Variants in SLC45A2 observed in about 807,000 individuals in gnomAD.
The protein encoded by SLC45A2 is solute carrier family 45 member 2, also known as membrane-associated transporter protein.
Under a neutral mutation model 45.5 loss-of-function variants are expected in SLC45A2, and 36 were observed. That is an observed-to-expected ratio of 0.79 (90% confidence interval 0.61 to 1.04). The LOEUF (loss-of-function observed/expected upper bound fraction) is 1.04, where lower values mean the gene tolerates loss of function less well. Ranked by LOEUF, SLC45A2 falls within the 50% of genes least tolerant of loss-of-function variation. SLC45A2 has a pLI of 0.00. For synonymous variants in SLC45A2, 306 were observed against 269.3 expected (o/e 1.14, Z -1.33); for missense variants, 719 against 671.0 (o/e 1.07, Z -0.79).
intron 2 of SLC45A2, among the ~76,000 whole-genome samples, chr5:33,970,106 TAGAC>T (rs960495521): frequency 6.6e-6 from 1 of 152,158 alleles, no homozygotes; most frequent in Non-Finnish European, 1.5e-5. Context: ...TCAGCTGAGT[TAGAC>T]AGCCCCTGTG....
chr5:33,945,925 A>G (rs1751909557), intron 6 of SLC45A2: 2 of 971,496 alleles, frequency 2.1e-6, no homozygotes, highest in East Asian at 1.1e-4. Context: ...AACTAGTAAG[A>G]GTGGTAACAC....
intron 3 of SLC45A2, among the ~76,000 whole-genome samples, chr5:33,958,790 T>C (rs549977957): frequency 1.1e-4 from 16 of 152,300 alleles, no homozygotes; most frequent in Admixed American, 8.5e-4. Context: ...TTTGTACTCG[T>C]GTGGGAGTTC....
chr5:33,949,287 T>G (rs1428209438), intron 5 of SLC45A2, among the ~76,000 whole-genome samples: 1 of 152,186 alleles, frequency 6.6e-6, no homozygotes, highest in East Asian at 1.9e-4. Context: ...TAGTGAGCTC[T>G]GGAAGGAAAG....
chr5:33,980,490 T>A (rs556878599), intron 2 of SLC45A2, among the ~76,000 whole-genome samples: 1 of 152,206 alleles, frequency 6.6e-6, no homozygotes, highest in Admixed American at 6.5e-5. Flanking sequence ...CACTTCCACA[T>A]GGCCATTGTC....
intron 3 of SLC45A2, among the ~76,000 whole-genome samples, chr5:33,961,699 A>G (rs1200318384): frequency 2.0e-5 from 3 of 152,184 alleles, no homozygotes; most frequent in Non-Finnish European, 4.4e-5. Context: ...CACCTACCAG[A>G]GAAAACACAG....
chr5:33,970,056 G>A (rs1037206503), intron 2 of SLC45A2, among the ~76,000 whole-genome samples: 2 of 152,130 alleles, frequency 1.3e-5, no homozygotes, highest in African/African-American at 2.4e-5. Flanking sequence ...GGAGCACAGG[G>A]CACAAATGCT....
At position 33,971,562 on chromosome 5, in the gene SLC45A2, C is replaced by T. The variant is rs143959828; in HGVS notation, c.563-7546G>A. On this transcript the variant is annotated intron_variant, in intron 2 of 6. Transcript: ENST00000296589. Reference sequence around the variant, plus strand: ...CAGGTGATCCTTCCACCTCAGCCTCCGGAGTGGCTCAGACCACAGGTGTGC... The same window carrying T: ...CAGGTGATCCTTCCACCTCAGCCTCTGGAGTGGCTCAGACCACAGGTGTGC... 4.2e-5 allele frequency: 10 copies of T among 237,768 alleles called. No homozygotes were observed. In the East Asian group the frequency reaches 4.7e-4, roughly 11 times the overall value. 14.7% of individuals were successfully genotyped at this position (237,768 alleles called of 1,614,324 possible).
chr5:33,976,184 G>A (rs760905780), intron 2 of SLC45A2, among the ~76,000 whole-genome samples: 30 of 152,152 alleles, frequency 2.0e-4, no homozygotes, highest in Non-Finnish European at 4.1e-4. Flanking sequence ...TATACCAAGT[G>A]CTGATAGGGA....
At chr5:33,980,326 T>C (rs757681366) in intron 2 of SLC45A2, among the ~76,000 whole-genome samples, 3 of 151,798 alleles carry the variant, frequency 2.0e-5, no homozygotes, top group Non-Finnish European at 4.4e-5. Flanking sequence ...AATACTGCCA[T>C]CATGGCCAGT....
intron 3 of SLC45A2, among the ~76,000 whole-genome samples, chr5:33,958,803 T>C (rs987707004): frequency 6.6e-6 from 1 of 152,190 alleles, no homozygotes; most frequent in African/African-American, 2.4e-5. Flanking sequence ...GGGAGTTCCA[T>C]GACTTTCAAA....
intron 4 of SLC45A2, among the ~76,000 whole-genome samples, chr5:33,953,064 G>A: frequency 8.2e-6 from 1 of 122,390 alleles, no homozygotes; most frequent in African/African-American, 3.1e-5. Context: ...TGGTGTATAT[G>A]TGCCACATTT....
chr5:33,965,654 C>T (rs1752584164), intron 2 of SLC45A2, among the ~76,000 whole-genome samples: 1 of 152,150 alleles, frequency 6.6e-6, no homozygotes, highest in Admixed American at 6.5e-5. Context: ...AAGAGAAGGT[C>T]CTGAAACAGC....
rs566413947 is a variant in SLC45A2, at chr5:33,960,096, T to C, written c.888+3595A>G. Among the ~76,000 whole-genome samples, 12 of 152,268 alleles carry C rather than the reference T, an allele frequency of 7.9e-5. No individual in the cohort carries two copies. In the South Asian group the frequency reaches 2.5e-3, roughly 32 times the overall value. ...ATCCTAGATTGGATCAGAAAAAGGA[T>C]ATTACCCAGGAATAGGATTGCTGGA... On this transcript the variant is annotated intron_variant, in intron 3 of 6. Transcript: ENST00000296589.
At chr5:33,971,893 C>A in intron 2 of SLC45A2, 1 of 342,202 alleles carries the variant, frequency 2.9e-6, no homozygotes, top group South Asian at 2.3e-5. Flanking sequence ...TCCCAAAGTA[C>A]TGGGATTACA....
In SLC45A2 at chr5:33,967,161, C is replaced by T. The variant is rs183948644; in HGVS notation, c.563-3145G>A. Among the ~76,000 whole-genome samples the T allele has an allele frequency of 2.0e-5, 3 of 152,326 alleles. No homozygotes were observed. In the East Asian group the frequency reaches 5.8e-4, roughly 29 times the overall value. ...ACTGAACTGGCTGAAGGCAGCCTGC[C>T]TGGAACTTGCTGAAAGGATTTAGTC... On this transcript the variant is annotated intron_variant, in intron 2 of 6. Coordinates refer to ENST00000296589, the MANE Select transcript of SLC45A2 (RefSeq NM_016180.5).
intron 2 of SLC45A2, chr5:33,972,025 A>G: frequency 2.1e-6 from 1 of 465,578 alleles, no homozygotes; most frequent in Non-Finnish European, 4.3e-6. Flanking sequence ...TACAGGTGTG[A>G]GCCACCACAC....
At chr5:33,972,279 T>A (rs1752806650) in intron 2 of SLC45A2, 2 of 472,520 alleles carry the variant, frequency 4.2e-6, no homozygotes, top group Non-Finnish European at 8.5e-6. Flanking sequence ...TTTGATACTC[T>A]GCGCAGAGTT....
In SLC45A2 at chr5:33,951,606, C is replaced by A; in HGVS notation, c.1104G>T (p.Glu368Asp). 6.2e-7 allele frequency: 1 copy of A among 1,614,174 alleles called. No individual in the cohort carries two copies. The highest frequency in any genetic ancestry group is 1.1e-5 in the South Asian group (1 of 91,082). The change falls in exon 5 of 7, where the codon GAG (glutamate) becomes GAT (aspartate). Residue 368 changes from glutamate (E) to aspartate (D), a missense_variant. Glu to Asp is a conservative substitution (Grantham distance 45). Coordinates refer to ENST00000296589, the MANE Select transcript of SLC45A2 (RefSeq NM_016180.5). Reference protein sequence around the residue: ...TEFLIYERGVEVGCWGLCINS... With the variant: ...TEFLIYERGVDVGCWGLCINS... ...TGATGCACAAGCCCCAACATCCAACCTCGACTCCTCTTTCGTAGATGAGAA... is the reference window on the plus strand; with the variant it reads ...TGATGCACAAGCCCCAACATCCAACATCGACTCCTCTTTCGTAGATGAGAA...
Position 33,982,224 on chromosome 5 carries a change from A to C in SLC45A2, c.562+12T>G. 6.2e-7 allele frequency: 1 copy of C among 1,613,870 alleles called. No individual in the cohort carries two copies. Among genetic ancestry groups the C allele is most frequent in the East Asian group, 2.2e-5 (1 of 44,880 alleles). The stretch of plus-strand genomic sequence containing the variant: ...GGGAGCTGAAGGAGAGACTTTCTGG[A>C]ATATTCCCTACCTGTGAAGAGGGCA... On this transcript the variant is annotated intron_variant, in intron 2 of 6. Transcript: ENST00000296589.
Sources: gnomAD v4.1 joint callset for allele counts (sites outside exome capture counted in the v4.1 genomes callset) on GRCh38, gnomAD v4.1.1 for gene constraint, MANE v1.5 for transcripts, NCBI Gene and HGNC (gene_info 2026-07-23, HGNC 2026-07-21) for gene names.